IL21R: variants seen among roughly 807,000 people sequenced by gnomAD.
IL21R encodes the protein interleukin-21 receptor.
A neutral mutation model predicts 41.3 loss-of-function variants in IL21R; 14 were observed. The observed-to-expected ratio is 0.34, with a 90% CI of 0.22 to 0.53. The LOEUF (loss-of-function observed/expected upper bound fraction) is 0.53. Ranked by LOEUF, IL21R falls within the 20% of genes least tolerant of loss-of-function variation. The pLI, the probability that IL21R is intolerant of heterozygous loss-of-function variation, is 0.94. For synonymous variants in IL21R, 286 were observed against 287.6 expected (o/e 0.99, Z 0.05); for missense variants, 588 against 681.6 (o/e 0.86, Z 1.53).
intron 1 of IL21R, among the ~76,000 whole-genome samples, chr16:27,424,385 A>C (rs1314782829): frequency 6.6e-6 from 1 of 152,032 alleles, no homozygotes; most frequent in Non-Finnish European, 1.5e-5. Context: ...GAAGTTAAGC[A>C]CCTTATATTC....
At chr16:27,440,922 G>C (rs1049907458) in intron 4 of IL21R, among the ~76,000 whole-genome samples, 1 of 151,728 alleles carries the variant, frequency 6.6e-6, no homozygotes, top group African/African-American at 2.4e-5. Context: ...ATGGTGGTGC[G>C]CACCTATGGT....
At chr16:27,448,349 G>A in intron 8 of IL21R, 185 bp from the exon 9 acceptor site, 1 of 616,070 alleles carries the variant, frequency 1.6e-6, no homozygotes, top group Non-Finnish European at 2.7e-6. Context: ...CAGCTACTTG[G>A]GAGGCTGAGG....
intron 1 of IL21R, among the ~76,000 whole-genome samples, chr16:27,426,236 C>G (rs529557055): frequency 6.6e-6 from 1 of 152,320 alleles, no homozygotes; most frequent in African/African-American, 2.4e-5. Context: ...CCAGCCAGCT[C>G]CATAGTCTGT....
intron 1 of IL21R, among the ~76,000 whole-genome samples, chr16:27,408,667 T>C (rs1339078473): frequency 6.6e-6 from 1 of 152,176 alleles, no homozygotes; most frequent in East Asian, 1.9e-4. Context: ...CACTTCCTCT[T>C]CTGGTGACCT....
intron 4 of IL21R, 38 bp downstream of exon 4, chr16:27,437,725 A>G (rs1240857544): frequency 7.7e-6 from 12 of 1,565,206 alleles, no homozygotes; most frequent in Non-Finnish European, 1.1e-5. Flanking sequence ...GGTGGCACTC[A>G]ATCTTAGCTC....
chr16:27,449,577 C>T lies in IL21R; in HGVS notation c.*294C>T. The T allele has an allele frequency of 2.2e-6, 1 of 460,612 alleles. No individual in the cohort carries two copies. 28.5% of individuals were successfully genotyped at this position (460,612 alleles called of 1,614,324 possible). The stretch of plus-strand genomic sequence containing the variant: ...ACTCCATGCATTCACCTGCCCTGTG[C>T]ATGTCTGGACTCACGGAGCTCACCC... On this transcript the variant is annotated 3_prime_UTR_variant, in exon 9 of 9. Coordinates refer to ENST00000337929, the MANE Select transcript of IL21R (RefSeq NM_181078.3).
intron 3 of IL21R, 74 bp downstream of exon 3, chr16:27,434,523 A>G (rs932836511): frequency 7.3e-5 from 67 of 924,098 alleles, no homozygotes; most frequent in Non-Finnish European, 1.1e-4. Context: ...CCAGGAGGAC[A>G]CTGTGCACTG....
chr16:27,438,721 T>C (rs2087317602), intron 4 of IL21R, among the ~76,000 whole-genome samples: 1 of 150,640 alleles, frequency 6.6e-6, no homozygotes, highest in Non-Finnish European at 1.5e-5. Flanking sequence ...TACAAAAAAA[T>C]TTGCCGGGCG....
rs370397954 is a variant in IL21R at position 27,449,250 on chromosome 16, G to A, written c.1584G>A (p.Pro528=). 1.9e-4 allele frequency: 301 copies of A among 1,609,198 alleles called. 5 individuals carry two copies. The South Asian group carries it at 2.9e-3, about 15-fold the overall frequency. ...TCCGCCAGTGGGTGGTCATTCCTCC[G>A]CCACTTTCGAGCCCTGGACCCCAGG... ...SYLRQWVVIP[P]PLSSPGPQAS is the part of the protein sequence containing the mutation. Residue 528 remains proline, a synonymous_variant, in exon 9 of 9, where the codon CCG becomes CCA. Coordinates refer to ENST00000337929, the MANE Select transcript of IL21R (RefSeq NM_181078.3).
At chr16:27,431,012 T>A (rs751170912) in intron 2 of IL21R, among the ~76,000 whole-genome samples, 3 of 152,098 alleles carry the variant, frequency 2.0e-5, no homozygotes, top group Non-Finnish European at 2.9e-5. Context: ...GGAGTCCGAC[T>A]GAAAGGGCAC....
intron 1 of IL21R, among the ~76,000 whole-genome samples, chr16:27,420,341 A>G (rs961597107): frequency 5.9e-5 from 9 of 152,226 alleles, no homozygotes; most frequent in Middle Eastern, 3.2e-3. Flanking sequence ...CCGCCTATGT[A>G]CATGCAGTCT....
rs1399898216 is a variant in IL21R, at chr16:27,449,081, G to C, written c.1415G>C (p.Gly472Ala). The C allele has an allele frequency of 6.2e-7, 1 of 1,613,384 alleles. No individual in the cohort carries two copies. The highest frequency in any genetic ancestry group is 8.5e-7 in the Non-Finnish European group (1 of 1,179,944). Residue 472 changes from glycine (G) to alanine (A), a missense_variant, in exon 9 of 9, where the codon GGG becomes GCG. By Grantham distance (60) the Gly-to-Ala change is moderately conservative. Transcript: ENST00000337929. ...CCCTGGGGTGGCCGGTCACCTGGAG[G>C]GGTCTCAGAGAGTGAGGCGGGCTCA... ...GLPWGGRSPG[G>A]VSESEAGSPL...
intron 4 of IL21R, among the ~76,000 whole-genome samples, chr16:27,440,125 G>A (rs2087353955): frequency 1.3e-5 from 2 of 151,510 alleles, no homozygotes; most frequent in African/African-American, 4.9e-5. Context: ...CTGTCACCTC[G>A]GGGCGTGGTG....
intron 5 of IL21R, 77 bp downstream of exon 5, chr16:27,443,193 G>A (rs1014550005): frequency 4.5e-6 from 6 of 1,329,132 alleles, no homozygotes; most frequent in African/African-American, 1.5e-5. Context: ...CTGGGTGGGA[G>A]AGACGGGTGA....
At chr16:27,425,610 T>G (rs914800022) in intron 1 of IL21R, among the ~76,000 whole-genome samples, 3 of 151,740 alleles carry the variant, frequency 2.0e-5, no homozygotes, top group Non-Finnish European at 4.4e-5. Context: ...TGGAGTACAG[T>G]GGTGTAATCT....
intron 1 of IL21R, among the ~76,000 whole-genome samples, chr16:27,420,791 CACAA>C (rs1376892285): frequency 2.0e-5 from 3 of 152,268 alleles, no homozygotes; most frequent in East Asian, 1.9e-4. Context: ...TTTTTTGAAG[CACAA>C]ACATTTTAAA....
Position 27,451,380 on chromosome 16 carries a change from C to T in IL21R, c.*2097C>T, listed in dbSNP as rs571992810. 4.3e-4 allele frequency: 97 copies of T among 224,846 alleles called. No individual in the cohort carries two copies. Among genetic ancestry groups the T allele is most frequent in the East Asian group, 1.3e-4 (2 of 15,664 alleles). The allele number at this position is 224,846 out of a possible 1,614,324, so 13.9% of individuals were successfully genotyped here. A position where few individuals can be genotyped will look rare whatever the true frequency, so the allele number is the denominator to read the frequency against. On this transcript the variant is annotated 3_prime_UTR_variant, in exon 9 of 9. Coordinates refer to ENST00000337929, the MANE Select transcript of IL21R (RefSeq NM_181078.3). Reference sequence around the variant, plus strand: ...GCAGATGAGGCTCCTCAGAATCCCACCTTTGAAGGGAACTCAGCTTATAAA... The same window carrying T: ...GCAGATGAGGCTCCTCAGAATCCCATCTTTGAAGGGAACTCAGCTTATAAA...
chr16:27,443,626 T>C (rs2087428558), intron 5 of IL21R, among the ~76,000 whole-genome samples: 1 of 151,974 alleles, frequency 6.6e-6, no homozygotes, highest in Non-Finnish European at 1.5e-5. Context: ...CTACTAAAAA[T>C]ACAAAAAATT....
intron 1 of IL21R, among the ~76,000 whole-genome samples, chr16:27,429,255 C>CT (rs201601362): frequency 2.2e-4 from 34 of 151,530 alleles, no homozygotes; most frequent in African/African-American, 8.0e-4. Flanking sequence ...AATTTACTGG[C>CT]TTTTTTTTAC....
Sources: gnomAD v4.1 joint callset for allele counts (sites outside exome capture counted in the v4.1 genomes callset) on GRCh38, gnomAD v4.1.1 for gene constraint, MANE v1.5 for transcripts, NCBI Gene and HGNC (gene_info 2026-07-23, HGNC 2026-07-21) for gene names.